WFS1: variants seen among roughly 807,000 people sequenced by gnomAD.
WFS1 encodes the protein wolframin ER transmembrane glycoprotein, also known as wolframin.
In WFS1, 90 loss-of-function variants were observed where a neutral mutation model predicts 68.5. The observed-to-expected ratio is 1.31, with a 90% CI of 1.11 to 1.56. The LOEUF (loss-of-function observed/expected upper bound fraction) is 1.56. WFS1 is among the 40% of genes most tolerant of loss of function. The pLI is 0.00. For missense variants in WFS1, 1,767 were observed against 1,232.6 expected (o/e 1.43, Z -6.49); for synonymous variants, 860 against 540.7 (o/e 1.59, Z -8.19).
intron 7 of WFS1, among the ~76,000 whole-genome samples, chr4:6,299,428 AG>A (rs1730761203): frequency 6.9e-6 from 1 of 144,684 alleles, no homozygotes; most frequent in South Asian, 2.2e-4. Context: ...GTGTATGTGT[AG>A]GTGCACACGT....
chr4:6,277,750 G>T, intron 2 of WFS1, 63 bp downstream of exon 2: 9 of 1,532,934 alleles, frequency 5.9e-6, no homozygotes, highest in Non-Finnish European at 7.0e-6. Context: ...TGGGAACGGG[G>T]TTCAGCCACC....
intron 6 of WFS1, among the ~76,000 whole-genome samples, chr4:6,294,013 C>A (rs1215293561): frequency 6.6e-6 from 1 of 151,084 alleles, no homozygotes; most frequent in African/African-American, 2.5e-5. Flanking sequence ...CATCTCTTTG[C>A]TGCAGCTACA....
chr4:6,277,343 C>G (rs926262338), intron 1 of WFS1, 108 bp from the exon 2 acceptor site: 1 of 1,050,796 alleles, frequency 9.5e-7, no homozygotes, highest in African/African-American at 1.6e-5. Flanking sequence ...TATGGAGTGT[C>G]TGGCAGCTCC....
At chr4:6,291,496 C>A in intron 5 of WFS1, 129 bp downstream of exon 5, 2 of 1,294,752 alleles carry the variant, frequency 1.5e-6, no homozygotes, top group Non-Finnish European at 2.1e-6. Context: ...GGGACCTTCC[C>A]TGTGAGGACA....
intron 2 of WFS1, 148 bp downstream of exon 2, chr4:6,277,835 C>A: frequency 2.0e-6 from 2 of 975,848 alleles, no homozygotes; most frequent in East Asian, 2.6e-5. Flanking sequence ...GGCGTCCATC[C>A]AGTGGGGCTA....
rs757084899 is a variant in WFS1, at chr4:6,301,604, C to T, written c.1809C>T (p.Val603=). 1 of 1,614,168 alleles carries T rather than the reference C, an allele frequency of 6.2e-7. No individual in the cohort carries two copies. Among genetic ancestry groups the T allele is most frequent in the Non-Finnish European group, 8.5e-7 (1 of 1,180,026 alleles). ...ELTKIAVTVA[V]CSVPLLLRWW... is the part of the protein sequence containing the mutation. Reference sequence around the variant, plus strand: ...CCAAGATCGCAGTCACCGTGGCGGTCTGTAGTGTGCCCCTGCTGTTGCGCT... The same window carrying T: ...CCAAGATCGCAGTCACCGTGGCGGTTTGTAGTGTGCCCCTGCTGTTGCGCT... Residue 603 remains valine (V), a synonymous_variant, in exon 8 of 8, where the codon GTC becomes GTT. Coordinates refer to ENST00000226760, the MANE Select transcript of WFS1 (RefSeq NM_006005.3).
chr4:6,302,173 G>C lies in WFS1; in HGVS notation c.2378G>C (p.Arg793Pro). The C allele has an allele frequency of 1.2e-6, 2 of 1,612,652 alleles. No homozygotes were observed. The highest frequency in any genetic ancestry group is 1.7e-6 in the Non-Finnish European group (2 of 1,179,950). ...FSSGADGSRS[R>P]EEDDVTKDIV... ...AGCGGCGCTGACGGCTCGCGCAGCCGCGAGGAGGACGACGTCACCAAGGAC... is the reference window on the plus strand; with the variant it reads ...AGCGGCGCTGACGGCTCGCGCAGCCCCGAGGAGGACGACGTCACCAAGGAC... The change falls in exon 8 of 8, where the codon CGC (arginine) becomes CCC (proline). Residue 793 changes from arginine to proline, a missense_variant. Transcript: ENST00000226760.
At chr4:6,272,085 G>T (rs12499173) in intron 1 of WFS1, among the ~76,000 whole-genome samples, 2 of 152,220 alleles carry the variant, frequency 1.3e-5, no homozygotes, top group Non-Finnish European at 2.9e-5. Flanking sequence ...TCCTCCTGCA[G>T]GATTTCTGGC....
intron 1 of WFS1, among the ~76,000 whole-genome samples, chr4:6,271,154 C>T (rs2109103934): frequency 6.6e-6 from 1 of 152,364 alleles, no homozygotes; most frequent in Non-Finnish European, 1.5e-5. Context: ...CCACCTTTGT[C>T]ACTGTCGCCA....
chr4:6,301,910 G>A lies in WFS1; in HGVS notation c.2115G>A (p.Lys705=). 1.2e-6 allele frequency: 2 copies of A among 1,612,952 alleles called. No individual in the cohort carries two copies. The highest frequency in any genetic ancestry group is 2.7e-5 in the African/African-American group (2 of 75,062). Residue 705 remains lysine (K), a synonymous_variant, in exon 8 of 8, where the codon AAG becomes AAA. Coordinates refer to ENST00000226760, the MANE Select transcript of WFS1 (RefSeq NM_006005.3). ...GGGTCACGTGGACCGGCCGCTTCAA[G>A]TACGTCCGCGTGACTGACATCGACA... ...GHRVTWTGRF[K]YVRVTDIDNS... is the part of the protein sequence containing the mutation.
chr4:6,275,059 G>C (rs900991234), intron 1 of WFS1, among the ~76,000 whole-genome samples: 3 of 152,150 alleles, frequency 2.0e-5, no homozygotes, highest in Non-Finnish European at 4.4e-5. Context: ...CTACCTTCCA[G>C]GTCCATGCGA....
At chr4:6,290,046 C>T (rs1389767523) in intron 4 of WFS1, among the ~76,000 whole-genome samples, 1 of 152,184 alleles carries the variant, frequency 6.6e-6, no homozygotes, top group Non-Finnish European at 1.5e-5. Flanking sequence ...TCAAGCAATT[C>T]TCCTGCCTCA....
rs571683571 is a variant in WFS1 at position 6,279,070 on chromosome 4, T to C, written c.232+1383T>C. Among the ~76,000 whole-genome samples, 3 of 152,300 alleles carry C rather than the reference T, an allele frequency of 2.0e-5. No individual in the cohort carries two copies. The South Asian group carries it at 6.2e-4, about 32-fold the overall frequency. On this transcript the variant is annotated intron_variant, in intron 2 of 7. Transcript: ENST00000226760. ...ACAGCCCAGTCCCCACCACTGGGCC[T>C]GCAGCTGGGGGCAGTGGGCATCCCG...
chr4:6,289,036 A>G lies in WFS1; in HGVS notation c.365A>G (p.Asn122Ser). The change falls in exon 4 of 8, where the codon AAC (asparagine) becomes AGC (serine). Residue 122 changes from asparagine (N) to serine (S), a missense_variant. Transcript: ENST00000226760. ...GCCGGCGACACGGATGAAGAACTCA[A>G]CAGCTGCACCGCTGTGGACTGGCTG... ...QLAGDTDEEL[N>S]SCTAVDWLVL... 2 of 1,607,042 alleles carry G rather than the reference A, an allele frequency of 1.2e-6. No homozygotes were observed. Among genetic ancestry groups the G allele is most frequent in the Non-Finnish European group, 1.7e-6 (2 of 1,177,200 alleles).
chr4:6,298,839 C>T (rs1259525601), intron 7 of WFS1, among the ~76,000 whole-genome samples: 2 of 152,216 alleles, frequency 1.3e-5, no homozygotes, highest in Non-Finnish European at 2.9e-5. Flanking sequence ...CCCTCCTTGG[C>T]CTTCTGGTGG....
At chr4:6,294,879 C>T in intron 6 of WFS1, 162 bp from the exon 7 acceptor site, 2 of 1,215,732 alleles carry the variant, frequency 1.6e-6, no homozygotes, top group South Asian at 1.3e-5. Context: ...CAGCCTGGTC[C>T]TCAACCCTCA....
intron 7 of WFS1, among the ~76,000 whole-genome samples, chr4:6,299,866 TAG>T (rs1560416745): frequency 4.3e-5 from 5 of 115,992 alleles, no homozygotes; most frequent in African/African-American, 1.7e-4. Flanking sequence ...TGCGTGTGTG[TAG>T]GGGTGGGCTG....
intron 7 of WFS1, among the ~76,000 whole-genome samples, chr4:6,297,279 G>T (rs146438976): frequency 6.3e-4 from 96 of 152,242 alleles, no homozygotes; most frequent in African/African-American, 2.1e-3. Flanking sequence ...GCAATGAATC[G>T]TCACAAGCGT....
chr4:6,291,019 T>TGGGTGTGGCAG (rs1553876863), intron 4 of WFS1, among the ~76,000 whole-genome samples, 178 bp from the exon 5 acceptor site: 2 of 67,586 alleles, frequency 3.0e-5, no homozygotes, highest in African/African-American at 1.1e-4. Context: ...AGCTGGAGAG[T>TGGGTGTGGCAG]GGGCGTGGCG....
Sources: allele counts gnomAD v4.1 joint callset (sites outside exome capture counted in the v4.1 genomes callset), GRCh38; gene constraint gnomAD v4.1.1; transcripts MANE v1.5; gene names NCBI Gene and HGNC (gene_info 2026-07-23, HGNC 2026-07-21).